The following PHACTR1 variants were observed in gnomAD, a reference collection of about 807,000 sequenced individuals.
PHACTR1 encodes RPEL repeat containing 1.
A neutral mutation model predicts 69.2 loss-of-function variants in PHACTR1; 16 were observed. The observed-to-expected ratio is 0.23, with a 90% CI of 0.16 to 0.35. The LOEUF is 0.35. PHACTR1 is among the 10% of genes least tolerant of loss of function. The probability of loss-of-function intolerance (pLI) is 1.00; values close to 1 mark genes in which losing one functional copy is unlikely to be tolerated. For missense variants in PHACTR1, 510 were observed against 734.7 expected, an observed-to-expected ratio of 0.69 and a Z score of 3.54; for synonymous variants, 312 against 284.5, an observed-to-expected ratio of 1.10 and a Z score of -0.97.
At chr6:12,720,480 T>A (rs1208589615) in intron 3 of PHACTR1, among the ~76,000 whole-genome samples, 1 of 152,166 alleles carries the variant, frequency 6.6e-6, no homozygotes, top group African/African-American at 2.4e-5. Flanking sequence ...CTTCTGGTTT[T>A]CAGCAGATGG....
chr6:13,022,276 C>A (rs1002852972), intron 4 of PHACTR1, among the ~76,000 whole-genome samples: 5 of 152,172 alleles, frequency 3.3e-5, no homozygotes, highest in African/African-American at 1.2e-4. Context: ...CCGAGGGGAC[C>A]TCCGACGCCT....
At chr6:12,918,172 G>A (rs1787222303) in intron 4 of PHACTR1, among the ~76,000 whole-genome samples, 1 of 152,132 alleles carries the variant, frequency 6.6e-6, no homozygotes, top group Non-Finnish European at 1.5e-5. Context: ...CCTATAAAGA[G>A]CCACAAATAT....
At chr6:13,149,489 A>T (rs1823971939) in intron 5 of PHACTR1, among the ~76,000 whole-genome samples, 1 of 152,218 alleles carries the variant, frequency 6.6e-6, no homozygotes, top group Admixed American at 6.5e-5. Flanking sequence ...TGCAAACCAT[A>T]GTAAATAAAG....
intron 4 of PHACTR1, among the ~76,000 whole-genome samples, chr6:12,977,985 A>C (rs1562084114): frequency 6.6e-6 from 1 of 152,252 alleles, no homozygotes; most frequent in Non-Finnish European, 1.5e-5. Context: ...GTGCATGTGA[A>C]CACGTGGCTA....
intron 5 of PHACTR1, among the ~76,000 whole-genome samples, chr6:13,147,184 C>T (rs1452230367): frequency 6.6e-6 from 1 of 152,142 alleles, no homozygotes; most frequent in Non-Finnish European, 1.5e-5. Flanking sequence ...TAATAAGGGA[C>T]CAATAAATGG....
At chr6:12,934,949 T>C (rs560424950) in intron 4 of PHACTR1, among the ~76,000 whole-genome samples, 73 of 152,212 alleles carry the variant, frequency 4.8e-4, no homozygotes, top group Non-Finnish European at 9.3e-4. Flanking sequence ...CCTGTCTCTA[T>C]TTTCAATCCC....
In PHACTR1 at chr6:13,265,120, G is replaced by A. The variant is rs1445748987; in HGVS notation, c.1392-7740G>A. On this transcript the variant is annotated intron_variant, in intron 10 of 14. Coordinates refer to ENST00000332995, the MANE Select transcript of PHACTR1 (RefSeq NM_030948.6). The stretch of plus-strand genomic sequence containing the variant: ...CTCACCCGCTTCAAAGCCAGGCTTC[G>A]TGGCTAAGTCCTCCAGCTTCGGTGC... 2.6e-5 allele frequency: 4 copies of A among 152,026 alleles called. No homozygotes were observed. In the South Asian group the frequency reaches 6.2e-4, roughly 24 times the overall value. The allele number at this position is 152,026 out of a possible 1,614,324, so 9.4% of individuals were successfully genotyped here.
At chr6:12,801,514 A>T (rs1199329156) in intron 4 of PHACTR1, among the ~76,000 whole-genome samples, 2 of 152,346 alleles carry the variant, frequency 1.3e-5, no homozygotes, top group African/African-American at 4.8e-5. Context: ...ATAAAAAAGA[A>T]CAGAATATTC....
chr6:12,990,415 C>G (rs1054619083), intron 4 of PHACTR1, among the ~76,000 whole-genome samples: 1 of 152,106 alleles, frequency 6.6e-6, no homozygotes, highest in Non-Finnish European at 1.5e-5. Context: ...AGCTCTGGGA[C>G]CAGCCGACCA....
At chr6:12,856,143 A>G (rs1780331614) in intron 4 of PHACTR1, among the ~76,000 whole-genome samples, 1 of 152,182 alleles carries the variant, frequency 6.6e-6, no homozygotes, top group African/African-American at 2.4e-5. Context: ...TTGGGACCCT[A>G]GGGGAGTAGA....
At chr6:12,933,879 A>G (rs1272308135) in intron 4 of PHACTR1, 1 of 1,612,544 alleles carries the variant, frequency 6.2e-7, no homozygotes. Context: ...TTAGAGGGGG[A>G]AGAGTTTGGC....
chr6:12,975,231 A>G (rs1256484267), intron 4 of PHACTR1, among the ~76,000 whole-genome samples: 1 of 152,216 alleles, frequency 6.6e-6, no homozygotes, highest in African/African-American at 2.4e-5. Context: ...AGAGATTACA[A>G]GGCATTGTTC....
intron 4 of PHACTR1, among the ~76,000 whole-genome samples, chr6:12,917,419 G>A (rs373059900): frequency 1.8e-4 from 27 of 152,186 alleles, no homozygotes; most frequent in African/African-American, 6.5e-4. Context: ...TCATGTTCAT[G>A]TTGTGCTTGC....
intron 5 of PHACTR1, among the ~76,000 whole-genome samples, chr6:13,055,426 A>C (rs1017402880): frequency 2.0e-5 from 3 of 152,188 alleles, no homozygotes; most frequent in Non-Finnish European, 4.4e-5. Context: ...ATTGTCTCAG[A>C]GAGAAGAAAT....
chr6:12,923,166 G>C (rs1267671718), intron 4 of PHACTR1, among the ~76,000 whole-genome samples: 1 of 152,150 alleles, frequency 6.6e-6, no homozygotes, highest in Non-Finnish European at 1.5e-5. Context: ...TAATGCAAAG[G>C]AGACTAAGGA....
At chr6:12,926,037 C>T (rs1238154914) in intron 4 of PHACTR1, among the ~76,000 whole-genome samples, 1 of 152,094 alleles carries the variant, frequency 6.6e-6, no homozygotes, top group African/African-American at 2.4e-5. Context: ...ATTCACATGC[C>T]ATCCCCTCTG....
At chr6:12,991,791 A>T (rs1276497991) in intron 4 of PHACTR1, among the ~76,000 whole-genome samples, 1 of 152,218 alleles carries the variant, frequency 6.6e-6, no homozygotes, top group Non-Finnish European at 1.5e-5. Context: ...GATCACGTGC[A>T]CAGTACTTTC....
intron 4 of PHACTR1, among the ~76,000 whole-genome samples, chr6:12,830,477 GA>G (rs1310743655): frequency 1.3e-5 from 2 of 151,974 alleles, no homozygotes; most frequent in African/African-American, 4.8e-5. Flanking sequence ...TAGAAGGAGA[GA>G]GGGGGAGGGA....
Position 12,808,223 on chromosome 6 carries a change from A to G in PHACTR1, c.250+58433A>G, listed in dbSNP as rs539474529. 1.2e-4 allele frequency among the ~76,000 whole-genome samples: 18 copies of G among 152,336 alleles called. 1 individual carries two copies. In the South Asian group the frequency reaches 3.7e-3, roughly 32 times the overall value. ...ACTGATTACTAATCTATACAACGAG[A>G]TTCTTTATCCGTCTCTTAAATCTTA... is the stretch of plus-strand genomic sequence containing the variant. On this transcript the variant is annotated intron_variant, in intron 4 of 14. Transcript: ENST00000332995.
Sources: gnomAD v4.1 joint callset for allele counts (sites outside exome capture counted in the v4.1 genomes callset) on GRCh38, gnomAD v4.1.1 for gene constraint, MANE v1.5 for transcripts, NCBI Gene and HGNC (gene_info 2026-07-23, HGNC 2026-07-21) for gene names.